HEMK2: variants seen among roughly 807,000 people sequenced by gnomAD.
HEMK2 encodes the protein HemK methyltransferase 2, ETF1 glutamine and histone H4 lysine.
At chr21:28,708,059 A>C in the HEMK2 span, among the ~76,000 whole-genome samples, 18 of 152,282 alleles carry the variant, frequency 1.2e-4, no homozygotes, top group Admixed American at 1.2e-3. Context: ...TGAAAAAAGC[A>C]ATTACTTTAA....
At chr21:28,783,203 T>A in the HEMK2 span, among the ~76,000 whole-genome samples, 1 of 152,098 alleles carries the variant, frequency 6.6e-6, no homozygotes, top group Non-Finnish European at 1.5e-5. Context: ...TTTTTTTTTT[T>A]AAACAGAATC....
the HEMK2 span, among the ~76,000 whole-genome samples, chr21:28,682,576 C>T: frequency 6.6e-6 from 1 of 152,144 alleles, no homozygotes; most frequent in Non-Finnish European, 1.5e-5. Flanking sequence ...GATTATAAAT[C>T]ATGCTGCTAT....
At chr21:28,635,783 T>A in the HEMK2 span, among the ~76,000 whole-genome samples, 1 of 152,192 alleles carries the variant, frequency 6.6e-6, no homozygotes, top group Non-Finnish European at 1.5e-5. Context: ...GCTCTTTCAG[T>A]GCTGTCTAAT....
chr21:28,803,659 C>T, the HEMK2 span, among the ~76,000 whole-genome samples: 2 of 152,204 alleles, frequency 1.3e-5, no homozygotes, highest in Non-Finnish European at 2.9e-5. Flanking sequence ...CTCCATAAAG[C>T]TATTAATAGT....
At chr21:28,615,799 T>C in the HEMK2 span, among the ~76,000 whole-genome samples, 69 of 152,222 alleles carry the variant, frequency 4.5e-4, no homozygotes, top group Non-Finnish European at 8.2e-4. Flanking sequence ...TATAATTAGG[T>C]TCAAAATGGA....
the HEMK2 span, among the ~76,000 whole-genome samples, chr21:28,767,308 G>T: frequency 6.6e-6 from 1 of 151,114 alleles, no homozygotes; most frequent in African/African-American, 2.4e-5. Flanking sequence ...TCAGCAGCAT[G>T]AAAACAGACT....
At chr21:28,877,730 T>C in the HEMK2 span, among the ~76,000 whole-genome samples, 2 of 151,992 alleles carry the variant, frequency 1.3e-5, no homozygotes, top group African/African-American at 2.4e-5. Context: ...ACTTGAAGTG[T>C]ACAGAAAAAG....
At chr21:28,610,868 C>G in the HEMK2 span, among the ~76,000 whole-genome samples, 1 of 152,076 alleles carries the variant, frequency 6.6e-6, no homozygotes, top group African/African-American at 2.4e-5. Flanking sequence ...AATATATATG[C>G]ACCTAACACT....
the HEMK2 span, among the ~76,000 whole-genome samples, chr21:28,832,438 A>T: frequency 6.6e-6 from 1 of 152,210 alleles, no homozygotes; most frequent in African/African-American, 2.4e-5. Context: ...TAGTAATAAG[A>T]GCCGGAAGCA....
chr21:28,737,246 C>G, the HEMK2 span, among the ~76,000 whole-genome samples: 1 of 152,070 alleles, frequency 6.6e-6, no homozygotes, highest in Non-Finnish European at 1.5e-5. Flanking sequence ...GGCCTCGGCC[C>G]CCCAAGTAGC....
At chr21:28,587,517 A>G in the HEMK2 span, among the ~76,000 whole-genome samples, 1 of 152,194 alleles carries the variant, frequency 6.6e-6, no homozygotes, top group Non-Finnish European at 1.5e-5. Flanking sequence ...CTAAAAAACT[A>G]ATTTACTACA....
the HEMK2 span, among the ~76,000 whole-genome samples, chr21:28,831,093 G>T: frequency 6.6e-6 from 1 of 151,994 alleles, no homozygotes; most frequent in Non-Finnish European, 1.5e-5. Flanking sequence ...GGGCAGGAGG[G>T]ATGCCATGTG....
At chr21:28,718,128 T>C in the HEMK2 span, among the ~76,000 whole-genome samples, 1 of 152,212 alleles carries the variant, frequency 6.6e-6, no homozygotes, top group Non-Finnish European at 1.5e-5. Context: ...TGTGTCTGTT[T>C]TCATTTATTT....
At chr21:28,664,347 G>A in the HEMK2 span, among the ~76,000 whole-genome samples, 14 of 152,132 alleles carry the variant, frequency 9.2e-5, no homozygotes, top group African/African-American at 3.1e-4. Flanking sequence ...TGTATAAATT[G>A]TGTCATATGT....
the HEMK2 span, chr21:28,883,097 G>A: frequency 6.7e-7 from 1 of 1,494,346 alleles, no homozygotes; most frequent in Non-Finnish European, 9.2e-7. Flanking sequence ...ATAAATATTA[G>A]TATAGTAGAA....
the HEMK2 span, among the ~76,000 whole-genome samples, chr21:28,644,826 T>C: frequency 1.3e-5 from 2 of 152,212 alleles, no homozygotes; most frequent in East Asian, 3.8e-4. Context: ...ATCTAATTTT[T>C]TGTTTCTCAG....
chr21:28,864,132 C>G, the HEMK2 span, among the ~76,000 whole-genome samples: 16,341 of 152,128 alleles, frequency 0.11, 1,301 homozygotes, highest in African/African-American at 0.22. Context: ...TGCCTGGCCC[C>G]CAGAAACAGT....
chr21:28,694,619 C>T, the HEMK2 span, among the ~76,000 whole-genome samples: 1 of 149,932 alleles, frequency 6.7e-6, no homozygotes, highest in Non-Finnish European at 1.5e-5. Flanking sequence ...TGTTCAATTT[C>T]CCTCCTCTAT....
the HEMK2 span, among the ~76,000 whole-genome samples, chr21:28,792,638 T>C: frequency 2.0e-5 from 3 of 152,132 alleles, no homozygotes; most frequent in East Asian, 5.8e-4. Flanking sequence ...CCCCAAATTG[T>C]GAAATGGTCT....
Sources: allele counts gnomAD v4.1 joint callset (sites outside exome capture counted in the v4.1 genomes callset), GRCh38; gene constraint gnomAD v4.1.1; transcripts MANE v1.5; gene names NCBI Gene and HGNC (gene_info 2026-07-23, HGNC 2026-07-21).